The following MYO1F variants were observed in gnomAD, a reference collection of about 807,000 sequenced individuals.
MYO1F encodes myosin IF.
MYO1F carries 60 observed loss-of-function variants against 146.6 expected under a neutral mutation model. The ratio of observed to expected loss-of-function variants is 0.41; its 90% confidence interval spans 0.33 to 0.51. The LOEUF is 0.51. Among genes scored for constraint, MYO1F ranks in the 20% least tolerant of loss-of-function variants. MYO1F has a pLI of 0.25. For missense variants in MYO1F, 1,274 were observed against 1,534.3 expected, an observed-to-expected ratio of 0.83 and a Z score of 2.83; for synonymous variants, 602 against 602.1, an observed-to-expected ratio of 1.00 and a Z score of 0.00.
chr19:8,553,510 T>C (rs1166146319), intron 4 of MYO1F, 73 bp from the exon 5 acceptor site: 4 of 1,214,194 alleles, frequency 3.3e-6, no homozygotes, highest in African/African-American at 3.0e-5. Flanking sequence ...CATTCATTCA[T>C]TGAGCACCTA....
Position 8,548,258 on chromosome 19 carries a change from AAT to A in MYO1F, c.1159_1160del (p.Ile387LeufsTer21). The part of the protein sequence containing the change: ...QEEYSIGVLD[I>X]YGFEIFQKNG... ...GTACCTGGAAGATCTCGAAGCCGTA[AAT>A]GTCCAGCACACCGATGCTGTACTCT... is the stretch of plus-strand genomic sequence containing the variant. On this transcript the variant is annotated frameshift_variant, in exon 11 of 28. Coordinates refer to ENST00000644032, the MANE Select transcript of MYO1F (RefSeq NM_012335.4). LOFTEE classifies it high-confidence loss of function. The A allele has an allele frequency of 6.2e-7, 1 of 1,613,920 alleles. No homozygotes were observed. The highest frequency in any genetic ancestry group is 8.5e-7 in the Non-Finnish European group (1 of 1,179,980).
At chr19:8,531,053 AAAAAAC>A (rs1245411319) in intron 19 of MYO1F, among the ~76,000 whole-genome samples, 2 of 151,692 alleles carry the variant, frequency 1.3e-5, no homozygotes, top group Non-Finnish European at 2.9e-5. Flanking sequence ...TCAAAAAGAC[AAAAAAC>A]AAAAACAAAA....
intron 21 of MYO1F, among the ~76,000 whole-genome samples, chr19:8,529,312 C>A (rs946798895): frequency 6.6e-6 from 1 of 151,870 alleles, no homozygotes; most frequent in Admixed American, 6.6e-5. Flanking sequence ...TGAGTGTGTA[C>A]CTGGCCCGCC....
intron 1 of MYO1F, among the ~76,000 whole-genome samples, chr19:8,556,635 C>G (rs964214778): frequency 1.3e-4 from 20 of 152,084 alleles, no homozygotes; most frequent in Admixed American, 1.2e-3. Flanking sequence ...TGCCTGTAAT[C>G]CCAGCACTTT....
Position 8,548,059 on chromosome 19 carries a change from C to A in MYO1F, c.1246G>T (p.Glu416Ter). The A allele has an allele frequency of 6.3e-7, 1 of 1,583,776 alleles. No individual in the cohort carries two copies. The highest frequency in any genetic ancestry group is 1.1e-5 in the South Asian group (1 of 90,684). ...VNEKLQQIFI[E>*]LTLKAEQEEY... ...ACCTGCTCGGCCTTCAGGGTAAGTT[C>A]GATAAAGATTTGCTGCAGCTTCTCA... is the stretch of plus-strand genomic sequence containing the variant. The change falls in exon 12 of 28, where the codon GAA becomes TAA. Residue 416 changes from glutamate (E) to a stop codon, truncating the protein, a stop_gained. Transcript: ENST00000644032. LOFTEE classifies it high-confidence loss of function.
At chr19:8,553,914 T>TCTCTCTCTCTCTCTCTCTCGCTCTCG (rs1178542513) in intron 4 of MYO1F, among the ~76,000 whole-genome samples, 3 of 135,692 alleles carry the variant, frequency 2.2e-5, no homozygotes, top group African/African-American at 8.0e-5. Flanking sequence ...TCTCTCTCTC[T>TCTCTCTCTCTCTCTCTCTCGCTCTCG]CTCTCTCTCG....
chr19:8,543,450 T>G (rs1366446307), intron 14 of MYO1F, among the ~76,000 whole-genome samples: 2 of 146,576 alleles, frequency 1.4e-5, no homozygotes, highest in South Asian at 4.3e-4. Context: ...GATCAGAAGG[T>G]GGGGGGCTGT....
chr19:8,541,370 C>T (rs1388051944), intron 15 of MYO1F, among the ~76,000 whole-genome samples: 6 of 150,322 alleles, frequency 4.0e-5, no homozygotes, highest in Non-Finnish European at 5.9e-5. Flanking sequence ...TAAGGATCCC[C>T]GTCTTATTAC....
intron 1 of MYO1F, among the ~76,000 whole-genome samples, chr19:8,560,358 G>A (rs1285529210): frequency 2.0e-5 from 3 of 151,714 alleles, no homozygotes; most frequent in South Asian, 4.2e-4. Flanking sequence ...GGGGGTGCGC[G>A]CCTGTAATCC....
chr19:8,560,615 C>T (rs1055356703), intron 1 of MYO1F, among the ~76,000 whole-genome samples: 1 of 152,010 alleles, frequency 6.6e-6, no homozygotes, highest in Non-Finnish European at 1.5e-5. Flanking sequence ...CACTCTGTCT[C>T]CCAGGCTGGA....
intron 4 of MYO1F, among the ~76,000 whole-genome samples, chr19:8,554,030 C>A (rs1475927747): frequency 6.6e-6 from 1 of 151,872 alleles, no homozygotes; most frequent in South Asian, 2.1e-4. Flanking sequence ...GATCATAGCA[C>A]CTGTTCCTGC....
At chr19:8,556,795 G>A (rs1453579399) in intron 1 of MYO1F, among the ~76,000 whole-genome samples, 2 of 151,012 alleles carry the variant, frequency 1.3e-5, no homozygotes, top group Non-Finnish European at 2.9e-5. Context: ...GCTGAGGCAG[G>A]AGAATCGCTT....
Position 8,551,852 on chromosome 19 carries a change from T to G in MYO1F, c.659A>C (p.Glu220Ala). The G allele has an allele frequency of 6.2e-7, 1 of 1,614,116 alleles. No individual in the cohort carries two copies. The change falls in exon 8 of 28, where the codon GAG becomes GCG. Residue 220 changes from glutamate to alanine, a missense_variant. Glu to Ala is a moderately radical substitution (Grantham distance 107, BLOSUM62 -1). Around this residue, in one of 2 missense-constraint regions of MYO1F, gnomAD observed 900 missense variants for 1,155.1 expected, o/e 0.78. Transcript: ENST00000644032. The stretch of plus-strand genomic sequence containing the variant: ...CATGAGGCCCAGGTTCTGCCTTTGC[T>G]CCTGGGAGGCCCCTTCCAGCAGCTG... ...YYQLLEGASQ[E>A]QRQNLGLMTP...
In MYO1F at chr19:8,561,026, T is replaced by C. The variant is rs374817355; in HGVS notation, c.4-5230A>G. 2.6e-3 allele frequency among the ~76,000 whole-genome samples: 388 copies of C among 150,686 alleles called. 1 individual carries two copies. The highest frequency in any genetic ancestry group is 9.0e-3 in the African/African-American group (368 of 41,070). On this transcript the variant is annotated intron_variant, in intron 1 of 27. Coordinates refer to ENST00000644032, the MANE Select transcript of MYO1F (RefSeq NM_012335.4). ...TGCTGGGATTATAGGTGTGAGCCAC[T>C]GCGCCTGGCCACGCCTGGCTAATTT...
At chr19:8,523,224 G>A (rs1042751001) in intron 25 of MYO1F, among the ~76,000 whole-genome samples, 8 of 151,928 alleles carry the variant, frequency 5.3e-5, no homozygotes, top group East Asian at 1.9e-4. Context: ...TAGTAGAGAC[G>A]GAGTTTCATC....
chr19:8,549,284 T>C (rs1019697250), intron 10 of MYO1F, among the ~76,000 whole-genome samples: 4 of 151,892 alleles, frequency 2.6e-5, no homozygotes, highest in African/African-American at 9.7e-5. Flanking sequence ...TTTTATTTTT[T>C]ATTTTGAGAC....
intron 16 of MYO1F, among the ~76,000 whole-genome samples, chr19:8,537,656 ACTCCTGACCTCAGGTGATC>A (rs1972786202): frequency 6.6e-6 from 1 of 151,236 alleles, no homozygotes; most frequent in Non-Finnish European, 1.5e-5. Flanking sequence ...CTGGTCATGA[ACTCCTGACCTCAGGTGATC>A]CATCCACCTC....
chr19:8,526,712 G>T, intron 23 of MYO1F, 77 bp downstream of exon 23: 3 of 1,535,274 alleles, frequency 2.0e-6, no homozygotes, highest in Non-Finnish European at 2.6e-6. Flanking sequence ...GCGCAGTTCG[G>T]CCGGGTCGGT....
At chr19:8,527,610 G>A (rs1972323090) in intron 21 of MYO1F, 127 bp from the exon 22 acceptor site, 2 of 1,162,016 alleles carry the variant, frequency 1.7e-6, no homozygotes, top group Admixed American at 2.1e-5. Context: ...CCAGGTGAAG[G>A]TGTATGAGTC....
Sources: gnomAD v4.1 joint callset for allele counts (sites outside exome capture counted in the v4.1 genomes callset) on GRCh38, gnomAD v4.1.1 for gene constraint, gnomAD v4.1.1 regional missense constraint, MANE v1.5 for transcripts, NCBI Gene and HGNC (gene_info 2026-07-23, HGNC 2026-07-21) for gene names.